The following ZFAT variants were observed in gnomAD, a reference collection of about 807,000 sequenced individuals.
ZFAT encodes the protein zinc finger protein ZFAT.
A neutral mutation model predicts 117.7 loss-of-function variants in ZFAT; 64 were observed. The observed-to-expected ratio is 0.54, with a 90% CI of 0.44 to 0.67. The LOEUF is 0.67. ZFAT is among the 30% of genes least tolerant of loss of function. The pLI, the probability that ZFAT is intolerant of heterozygous loss-of-function variation, is 0.00. For synonymous variants in ZFAT, 679 were observed against 615.0 expected, an observed-to-expected ratio of 1.10 and a Z score of -1.54; for missense variants, 1,433 against 1,584.5, an observed-to-expected ratio of 0.90 and a Z score of 1.62.
At chr8:134,624,182 A>ACATG (rs1554605654) in intron 3 of ZFAT, among the ~76,000 whole-genome samples, 8 of 20,984 alleles carry the variant, frequency 3.8e-4, no homozygotes, top group Non-Finnish European at 1.1e-3. Context: ...GTGCACATGC[A>ACATG]CACACACACA....
chr8:134,583,744 T>C, intron 10 of ZFAT, 88 bp downstream of exon 10: 1 of 1,504,676 alleles, frequency 6.6e-7, no homozygotes, highest in Non-Finnish European at 9.0e-7. Flanking sequence ...CTTTCCTGCC[T>C]CTGGTACAGC....
chr8:134,813,607 G>A, the ZFAT span, among the ~76,000 whole-genome samples: 8 of 152,222 alleles, frequency 5.3e-5, no homozygotes, highest in East Asian at 1.3e-3. Context: ...TAGAGACGGG[G>A]TTTCACCATG....
At chr8:134,509,994 TGCATTTTGTAGAA>T in intron 14 of ZFAT, 1 of 525,190 alleles carries the variant, frequency 1.9e-6, no homozygotes, top group East Asian at 4.8e-5. Flanking sequence ...AGACGTTATT[TGCATTTTGTAGAA>T]GCCTCATTTG....
intron 11 of ZFAT, among the ~76,000 whole-genome samples, chr8:134,554,021 G>C (rs368475659): frequency 1.3e-4 from 20 of 152,166 alleles, no homozygotes; most frequent in Admixed American, 4.6e-4. Flanking sequence ...AGTCTTTCCT[G>C]AACTACCCAC....
intron 11 of ZFAT, among the ~76,000 whole-genome samples, chr8:134,553,630 A>G (rs1823352402): frequency 6.6e-6 from 1 of 152,242 alleles, no homozygotes; most frequent in South Asian, 2.1e-4. Flanking sequence ...AAGTCATGAA[A>G]GAAAGGAAGA....
intron 1 of ZFAT, among the ~76,000 whole-genome samples, chr8:134,688,379 GCACA>G (rs1332692570): frequency 6.6e-6 from 1 of 152,082 alleles, no homozygotes. Flanking sequence ...GCACACATGC[GCACA>G]CAAACATACA....
intron 15 of ZFAT, among the ~76,000 whole-genome samples, chr8:134,490,741 C>A (rs1221599983): frequency 6.6e-6 from 1 of 152,204 alleles, no homozygotes; most frequent in Non-Finnish European, 1.5e-5. Context: ...GGAGAGTCTG[C>A]CCTTTACCCC....
the ZFAT span, among the ~76,000 whole-genome samples, chr8:134,799,494 T>C: frequency 3.3e-5 from 5 of 152,156 alleles, no homozygotes; most frequent in Non-Finnish European, 7.4e-5. Context: ...AAAATGGAAA[T>C]AACGTTTAGA....
chr8:134,545,789 T>C (rs1298390809), intron 11 of ZFAT, among the ~76,000 whole-genome samples: 1 of 152,166 alleles, frequency 6.6e-6, no homozygotes, highest in Non-Finnish European at 1.5e-5. Flanking sequence ...TGTCTGGCAA[T>C]GGTCTATTTC....
the ZFAT span, among the ~76,000 whole-genome samples, chr8:134,830,541 G>A: frequency 6.6e-6 from 1 of 152,182 alleles, no homozygotes; most frequent in Non-Finnish European, 1.5e-5. Context: ...GAAATGCTTA[G>A]GTAAGGAGCA....
At chr8:134,759,485 C>A in the ZFAT span, among the ~76,000 whole-genome samples, 3 of 152,040 alleles carry the variant, frequency 2.0e-5, no homozygotes, top group Non-Finnish European at 4.4e-5. Context: ...AGTAAATTGC[C>A]AATTCAATAT....
the ZFAT span, among the ~76,000 whole-genome samples, chr8:134,718,791 A>G: frequency 6.6e-6 from 1 of 152,242 alleles, no homozygotes; most frequent in Non-Finnish European, 1.5e-5. Flanking sequence ...TAGCTGTCAC[A>G]TAAACAGCAC....
intron 13 of ZFAT, among the ~76,000 whole-genome samples, chr8:134,515,853 A>G (rs1344270606): frequency 6.6e-6 from 1 of 152,194 alleles, no homozygotes; most frequent in Non-Finnish European, 1.5e-5. Flanking sequence ...TATTTGCCCC[A>G]TAAATATTTC....
chr8:134,729,323 A>G, the ZFAT span, among the ~76,000 whole-genome samples: 11 of 152,210 alleles, frequency 7.2e-5, no homozygotes, highest in East Asian at 1.4e-3. Context: ...CCACCTCGCC[A>G]TTCTTTTTTT....
chr8:134,566,351 G>A (rs538720991), intron 10 of ZFAT, among the ~76,000 whole-genome samples: 184 of 122,300 alleles, frequency 1.5e-3, no homozygotes, highest in Middle Eastern at 0.013. Flanking sequence ...CCGAGATAGC[G>A]CTACTGCACC....
chr8:134,690,000 T>C (rs1398034606), intron 1 of ZFAT, among the ~76,000 whole-genome samples: 1 of 152,272 alleles, frequency 6.6e-6, no homozygotes, highest in Non-Finnish European at 1.5e-5. Context: ...AATAGAATCA[T>C]TTCACTTACA....
At chr8:134,779,230 G>GA in the ZFAT span, among the ~76,000 whole-genome samples, 1 of 151,590 alleles carries the variant, frequency 6.6e-6, no homozygotes, top group Non-Finnish European at 1.5e-5. Context: ...AGGAGGAGGA[G>GA]AATGAGTTTG....
chr8:134,664,007 T>A (rs1043960321), intron 1 of ZFAT, among the ~76,000 whole-genome samples: 1 of 152,142 alleles, frequency 6.6e-6, no homozygotes, highest in African/African-American at 2.4e-5. Context: ...GGGAAAGCCT[T>A]GGCTGAAGTG....
At chr8:134,717,989 C>T (rs551790140), upstream of ZFAT, among the ~76,000 whole-genome samples, 2 of 152,210 alleles carry the variant, frequency 1.3e-5, no homozygotes, top group African/African-American at 4.8e-5. Context: ...GCCTCCATGT[C>T]CAGTGTAATA....
Sources: allele counts gnomAD v4.1 joint callset (sites outside exome capture counted in the v4.1 genomes callset), GRCh38; gene constraint gnomAD v4.1.1; transcripts MANE v1.5; gene names NCBI Gene and HGNC (gene_info 2026-07-23, HGNC 2026-07-21).